The following PCIF1 variants were observed in gnomAD, a reference collection of about 807,000 sequenced individuals.
PCIF1 encodes the protein mRNA (2'-O-methyladenosine-N(6)-)-methyltransferase.
PCIF1 carries 12 observed loss-of-function variants against 86.9 expected under a neutral mutation model. That is an observed-to-expected ratio of 0.14 (90% CI 0.09 to 0.22). The LOEUF is 0.22. Ranked by LOEUF, PCIF1 falls within the 10% of genes least tolerant of loss-of-function variation. PCIF1 has a pLI of 1.00. For synonymous variants in PCIF1, 397 were observed against 372.0 expected, an observed-to-expected ratio of 1.07 and a Z score of -0.77; for missense variants, 701 against 951.1, an observed-to-expected ratio of 0.74 and a Z score of 3.46.
At chr20:45,940,448 G>A in intron 4 of PCIF1, 27 bp from the exon 5 acceptor site, 2 of 1,569,594 alleles carry the variant, frequency 1.3e-6, no homozygotes, top group South Asian at 1.2e-5. Flanking sequence ...GGCCCTGGTT[G>A]CAACTCTGCT....
chr20:45,937,141 T>G (rs1484940711), intron 1 of PCIF1, among the ~76,000 whole-genome samples: 1 of 152,210 alleles, frequency 6.6e-6, no homozygotes, highest in Non-Finnish European at 1.5e-5. Context: ...TAAAAAGTTA[T>G]TAAAAATTTT....
chr20:45,943,772 G>A lies in PCIF1; in HGVS notation c.1005+7G>A. The A allele has an allele frequency of 6.5e-7, 1 of 1,550,292 alleles. No homozygotes were observed. The highest frequency in any genetic ancestry group is 1.2e-5 in the South Asian group (1 of 84,074). On this transcript the variant is annotated splice_region_variant and intron_variant, in intron 10 of 16. Coordinates refer to ENST00000372409, the MANE Select transcript of PCIF1 (RefSeq NM_022104.4). The surrounding 1 kb of genome is among the most constrained non-coding windows in gnomAD (Gnocchi z 5.5). ...CTCCAAGGAGGACTACATGGTGAGT[G>A]GGTCCCCGGGTGAGAAGGCCAGTTT...
At position 45,947,764 on chromosome 20, in the gene PCIF1, G is replaced by T; in HGVS notation, c.*9G>T. 1 of 1,592,502 alleles carries T rather than the reference G, an allele frequency of 6.3e-7. No homozygotes were observed. Among genetic ancestry groups the T allele is most frequent in the Non-Finnish European group, 8.5e-7 (1 of 1,171,874 alleles). On this transcript the variant is annotated 3_prime_UTR_variant, in exon 17 of 17. Transcript: ENST00000372409. This position sits in a 1 kb window ranked among gnomAD's most constrained non-coding sequence, Gnocchi z 5.4. ...AGCCTCACCCCACTTAACATATCCT[G>T]CGGGGAGGAGGAGCCCCAGGGGTGC...
intron 7 of PCIF1, among the ~76,000 whole-genome samples, chr20:45,941,716 CCA>C (rs1257446559): frequency 6.6e-6 from 1 of 152,114 alleles, no homozygotes; most frequent in East Asian, 1.9e-4. Context: ...CCTCAGCCTC[CCA>C]CAGTGCTGGG....
In PCIF1 at chr20:45,947,738, G is replaced by T; in HGVS notation, c.2098G>T (p.Glu700Ter). Residue 700 changes from glutamate to a stop codon, truncating the protein, a stop_gained, in exon 17 of 17, where the codon GAG (glutamate) becomes TAG (stop). Coordinates refer to ENST00000372409, the MANE Select transcript of PCIF1 (RefSeq NM_022104.4). LOFTEE classifies it high-confidence loss of function. This position sits in a 1 kb window ranked among gnomAD's most constrained non-coding sequence, Gnocchi z 5.4. ...GGGCCGTGAGCAGGGTCCTAGCCGC[G>T]AGCCTCACCCCACTTAACATATCCT... Reference protein sequence around the residue: ...DSGREQGPSREPHPT With the variant: ...DSGREQGPSR 1 of 1,600,830 alleles carries T rather than the reference G, an allele frequency of 6.2e-7. No homozygotes were observed.
chr20:45,945,082 C>G, intron 11 of PCIF1, 52 bp downstream of exon 11: 1 of 1,521,130 alleles, frequency 6.6e-7, no homozygotes. Flanking sequence ...GCTCTATACC[C>G]TGATGGAAGG....
intron 1 of PCIF1, among the ~76,000 whole-genome samples, chr20:45,935,778 T>C (rs2083420042): frequency 2.0e-5 from 3 of 152,216 alleles, no homozygotes. Context: ...CACCTCCGTA[T>C]TTATTTCTGG....
At chr20:45,940,347 C>A in intron 4 of PCIF1, 128 bp from the exon 5 acceptor site, 1 of 1,222,306 alleles carries the variant, frequency 8.2e-7, no homozygotes, top group Non-Finnish European at 1.1e-6. Context: ...GTGTTCTCTG[C>A]CTGTATCCCA....
chr20:45,941,515 AC>A (rs2083469724), intron 7 of PCIF1, among the ~76,000 whole-genome samples: 2 of 152,074 alleles, frequency 1.3e-5, no homozygotes, highest in Admixed American at 6.5e-5. Flanking sequence ...GTGCAGTGGC[AC>A]CATCTCCGCT....
rs1600504321 is a variant in PCIF1 at position 45,941,288 on chromosome 20, T to TTCC, written c.673+81_673+82insTCC. On this transcript the variant is annotated intron_variant, in intron 7 of 16. Transcript: ENST00000372409. ...AGGTTTGGCCAGGCCAGTTTGGGGA[T>TTCC]GGCGGAGTGGGGCCCAGTGGTGAGC... 2.0e-6 allele frequency: 3 copies of TTCC among 1,504,664 alleles called. No homozygotes were observed. In the East Asian group the frequency reaches 6.8e-5, roughly 34 times the overall value. 93.2% of individuals were successfully genotyped at this position (1,504,664 alleles called of 1,614,324 possible). A position where few individuals can be genotyped will look rare whatever the true frequency, so the allele number is the denominator to read the frequency against.
At chr20:45,935,069 T>G (rs2145856289) in intron 1 of PCIF1, among the ~76,000 whole-genome samples, 1 of 151,666 alleles carries the variant, frequency 6.6e-6, no homozygotes, top group Non-Finnish European at 1.5e-5. Flanking sequence ...GGGCTCCGAC[T>G]CTGAGTCGCC....
At chr20:45,941,258 G>T in intron 7 of PCIF1, 51 bp downstream of exon 7, 1 of 1,547,706 alleles carries the variant, frequency 6.5e-7, no homozygotes. Context: ...CCTTTAGCAT[G>T]AGCCAGGTTT....
At chr20:45,935,622 T>A (rs1428068739) in intron 1 of PCIF1, among the ~76,000 whole-genome samples, 1 of 152,198 alleles carries the variant, frequency 6.6e-6, no homozygotes, top group Non-Finnish European at 1.5e-5. Flanking sequence ...GCCACAGACC[T>A]GCTGCGCTCA....
chr20:45,945,703 G>A lies in PCIF1; in HGVS notation c.1169-8G>A. On this transcript the variant is annotated splice_region_variant and splice_polypyrimidine_tract_variant and intron_variant, in intron 11 of 16. Coordinates refer to ENST00000372409, the MANE Select transcript of PCIF1 (RefSeq NM_022104.4). ...AGTGTGGTCCCTCACTGCTCTCCCT[G>A]CCCACAGAGGAGGTGGAGGCCCCTG... 3 of 1,610,858 alleles carry A rather than the reference G, an allele frequency of 1.9e-6. No individual in the cohort carries two copies. Among genetic ancestry groups the A allele is most frequent in the Non-Finnish European group, 2.5e-6 (3 of 1,177,848 alleles).
intron 4 of PCIF1, among the ~76,000 whole-genome samples, chr20:45,939,605 G>A (rs1253484993): frequency 1.3e-5 from 2 of 152,218 alleles, no homozygotes; most frequent in African/African-American, 4.8e-5. Context: ...TGCTCCCTAC[G>A]GTCGCAGAGC....
Position 45,947,653 on chromosome 20 carries a change from C to G in PCIF1, c.2013C>G (p.Gly671=), listed in dbSNP as rs1417794873. The change falls in exon 17 of 17, where the codon GGC becomes GGG. Residue 671 remains glycine, a synonymous_variant. Coordinates refer to ENST00000372409, the MANE Select transcript of PCIF1 (RefSeq NM_022104.4). The surrounding 1 kb of genome is among the most constrained non-coding windows in gnomAD (Gnocchi z 5.4). ...QELSAAYRQS[G]RSHSSGSSSS... ...TGAGTGCTGCCTACCGGCAGTCAGG[C>G]CGCAGCCACAGCTCTGGTTCTTCCT... 1.2e-6 allele frequency: 2 copies of G among 1,612,370 alleles called. No individual in the cohort carries two copies. The highest frequency in any genetic ancestry group is 2.7e-5 in the African/African-American group (2 of 74,950).
intron 1 of PCIF1, among the ~76,000 whole-genome samples, chr20:45,936,869 A>G (rs760841095): frequency 9.9e-5 from 15 of 152,194 alleles, no homozygotes; most frequent in Non-Finnish European, 1.9e-4. Flanking sequence ...TGGAGGTTGC[A>G]GTGAGTCGAG....
rs79174301 is a variant in PCIF1 at position 45,947,811 on chromosome 20, G to A, written c.*56G>A. The A allele has an allele frequency of 1.2e-5, 19 of 1,549,080 alleles. No individual in the cohort carries two copies. The highest frequency in any genetic ancestry group is 1.7e-4 in the Middle Eastern group (1 of 5,726). The stretch of plus-strand genomic sequence containing the variant: ...GTGCTAGTCTGGACTGCTGGGACTC[G>A]GGCCCCTGGGGCCTCAGAGGGACCC... On this transcript the variant is annotated 3_prime_UTR_variant, in exon 17 of 17. Transcript: ENST00000372409. This position sits in a 1 kb window ranked among gnomAD's most constrained non-coding sequence, Gnocchi z 5.4.
intron 14 of PCIF1, among the ~76,000 whole-genome samples, chr20:45,946,648 C>T (rs140807235): frequency 1.3e-5 from 2 of 152,314 alleles, no homozygotes; most frequent in African/African-American, 4.8e-5. Context: ...CACGTGGTCC[C>T]AGGCCCTGAG....
Sources: allele counts gnomAD v4.1 joint callset (sites outside exome capture counted in the v4.1 genomes callset), GRCh38; gene constraint gnomAD v4.1.1; non-coding constraint Gnocchi (gnomAD v3.1); transcripts MANE v1.5; gene names NCBI Gene and HGNC (gene_info 2026-07-23, HGNC 2026-07-21).